The following PAPPA variants were observed in gnomAD, a reference collection of about 807,000 sequenced individuals.
PAPPA encodes the protein pappalysin 1, also known as pappalysin-1.
PAPPA carries 60 observed loss-of-function variants against 164.0 expected under a neutral mutation model. The observed-to-expected ratio is 0.37, with a 90% CI of 0.30 to 0.45. The LOEUF (loss-of-function observed/expected upper bound fraction) is 0.45, where lower values mean the gene tolerates loss of function less well. PAPPA is among the 20% of genes least tolerant of loss of function. The probability of loss-of-function intolerance (pLI) is 1.00; values close to 1 mark genes in which losing one functional copy is unlikely to be tolerated. For synonymous variants in PAPPA, 875 were observed against 814.1 expected, an observed-to-expected ratio of 1.07 and a Z score of -1.27; for missense variants, 1,782 against 2,087.3, an observed-to-expected ratio of 0.85 and a Z score of 2.85.
intron 9 of PAPPA, among the ~76,000 whole-genome samples, chr9:116,289,121 CATATATATAT>C (rs200604980): frequency 0.012 from 215 of 17,780 alleles, 3 homozygotes; most frequent in Middle Eastern, 0.031. Context: ...TATGCATATA[CATATATATAT>C]ATATATATAT....
intron 10 of PAPPA, among the ~76,000 whole-genome samples, chr9:116,314,140 T>G (rs187430361): frequency 6.8e-6 from 1 of 147,684 alleles, no homozygotes; most frequent in East Asian, 2.1e-4. Flanking sequence ...GGTGCAATCT[T>G]GGCTCACTGC....
At chr9:116,279,573 CA>C (rs1845243318) in intron 9 of PAPPA, among the ~76,000 whole-genome samples, 1 of 152,114 alleles carries the variant, frequency 6.6e-6, no homozygotes, top group Non-Finnish European at 1.5e-5. Flanking sequence ...GGGTCAGGCT[CA>C]GGGAACCGAC....
intron 10 of PAPPA, among the ~76,000 whole-genome samples, chr9:116,312,058 A>G (rs1845724240): frequency 6.6e-6 from 1 of 152,196 alleles, no homozygotes; most frequent in Non-Finnish European, 1.5e-5. Context: ...TTCTCCATGT[A>G]GACTAGATAA....
At chr9:116,304,685 G>A (rs549111244) in intron 10 of PAPPA, among the ~76,000 whole-genome samples, 2 of 151,938 alleles carry the variant, frequency 1.3e-5, no homozygotes, top group East Asian at 3.9e-4. Context: ...TGTAAGGGGG[G>A]GCTGTCAGGA....
chr9:116,335,244 G>C (rs1588009000), intron 13 of PAPPA, among the ~76,000 whole-genome samples, 170 bp downstream of exon 13: 1 of 152,220 alleles, frequency 6.6e-6, no homozygotes, highest in African/African-American at 2.4e-5. Context: ...ATGAGTCTCT[G>C]AATTCCTGGG....
At chr9:116,393,812 G>A (rs761882486) in intron 21 of PAPPA, among the ~76,000 whole-genome samples, 35 of 152,084 alleles carry the variant, frequency 2.3e-4, no homozygotes, top group Non-Finnish European at 4.4e-4. Context: ...AGAGTATCTG[G>A]GGAACCAATA....
intron 6 of PAPPA, among the ~76,000 whole-genome samples, chr9:116,233,503 GC>G (rs1396389143): frequency 6.6e-6 from 1 of 152,186 alleles, no homozygotes; most frequent in Non-Finnish European, 1.5e-5. Context: ...AGCAGTTACT[GC>G]AAATAATGAA....
rs750820509 is a variant in PAPPA at position 116,353,761 on chromosome 9, A to C, written c.4315A>C (p.Arg1439=). 5 of 1,613,970 alleles carry C rather than the reference A, an allele frequency of 3.1e-6. No individual in the cohort carries two copies. The highest frequency in any genetic ancestry group is 4.2e-6 in the Non-Finnish European group (5 of 1,179,954). ...TNGFQFNSEC[R]IKCEDSDASQ... ...TGGCTTCCAGTTCAACAGTGAGTGT[A>C]GGATCAAGTGTGAAGACAGTGATGC... The change falls in exon 17 of 22, where the codon AGG becomes CGG. Residue 1439 remains arginine, a synonymous_variant. Transcript: ENST00000328252.
chr9:116,250,183 T>C (rs918057645), intron 7 of PAPPA, among the ~76,000 whole-genome samples: 3 of 152,150 alleles, frequency 2.0e-5, no homozygotes, highest in Admixed American at 6.5e-5. Context: ...CTAATACCTA[T>C]AACGTTACAA....
chr9:116,387,387 C>T lies in PAPPA; in HGVS notation c.4776+4894C>T, dbSNP rs181079401. On this transcript the variant is annotated intron_variant, in intron 21 of 21. Transcript: ENST00000328252. Reference sequence around the variant, plus strand: ...CAATAACCCTGTTGTAGATGTTGTTCTTTTTTCTTTTTCTTTTGAGATGAA... The same window carrying T: ...CAATAACCCTGTTGTAGATGTTGTTTTTTTTTCTTTTTCTTTTGAGATGAA... Among the ~76,000 whole-genome samples the T allele has an allele frequency of 1.3e-3, 197 of 152,202 alleles. 1 individual carries two copies. Among genetic ancestry groups the T allele is most frequent in the African/African-American group, 4.6e-3 (192 of 41,534 alleles).
chr9:116,236,586 CAA>C (rs35004875), intron 7 of PAPPA, among the ~76,000 whole-genome samples: 38 of 84,722 alleles, frequency 4.5e-4, no homozygotes, highest in East Asian at 6.8e-4. Context: ...AACTCCATCT[CAA>C]AAAAAAAAAA....
chr9:116,227,522 T>C lies in PAPPA; in HGVS notation c.2203T>C (p.Ser735Pro). The part of the protein sequence containing the change: ...NASSPMPCSP[S>P]GHWSPREAEG... ...TTCCTCCCCAATGCCCTGCAGCCCATCAGGACACTGGAGCCCTCGTGAAGC... is the reference window on the plus strand; with the variant it reads ...TTCCTCCCCAATGCCCTGCAGCCCACCAGGACACTGGAGCCCTCGTGAAGC... The change falls in exon 6 of 22, where the codon TCA becomes CCA. Residue 735 changes from serine (S) to proline (P), a missense_variant. Coordinates refer to ENST00000328252, the MANE Select transcript of PAPPA (RefSeq NM_002581.5). 6.2e-7 allele frequency: 1 copy of C among 1,614,052 alleles called. No homozygotes were observed. The highest frequency in any genetic ancestry group is 8.5e-7 in the Non-Finnish European group (1 of 1,179,980).
intron 7 of PAPPA, among the ~76,000 whole-genome samples, chr9:116,259,817 A>G (rs1057265621): frequency 1.3e-5 from 2 of 152,184 alleles, no homozygotes; most frequent in Non-Finnish European, 2.9e-5. Flanking sequence ...AACTCTTGCT[A>G]TGTGCACAGA....
intron 5 of PAPPA, among the ~76,000 whole-genome samples, chr9:116,226,289 C>T (rs920087511): frequency 1.3e-5 from 2 of 152,044 alleles, no homozygotes; most frequent in African/African-American, 4.8e-5. Flanking sequence ...ATCTACTGTC[C>T]GCTGTGTGGA....
chr9:116,276,633 A>C (rs755731745), intron 9 of PAPPA, among the ~76,000 whole-genome samples: 15 of 152,146 alleles, frequency 9.9e-5, no homozygotes, highest in Non-Finnish European at 2.2e-4. Flanking sequence ...ATATATAGTT[A>C]AGAAAACAAA....
intron 6 of PAPPA, among the ~76,000 whole-genome samples, chr9:116,228,703 C>T (rs949487105): frequency 6.6e-6 from 1 of 152,200 alleles, no homozygotes; most frequent in Non-Finnish European, 1.5e-5. Context: ...CACAGAATCA[C>T]AGGCTGTCAG....
intron 10 of PAPPA, among the ~76,000 whole-genome samples, chr9:116,329,381 G>A (rs886548594): frequency 6.6e-6 from 1 of 152,100 alleles, no homozygotes; most frequent in Non-Finnish European, 1.5e-5. Context: ...ATATGATGAT[G>A]TAAACCAAAA....
chr9:116,179,913 T>A (rs191207645), intron 1 of PAPPA, among the ~76,000 whole-genome samples: 4 of 152,188 alleles, frequency 2.6e-5, no homozygotes, highest in African/African-American at 9.7e-5. Context: ...AGCTTTTAAT[T>A]TTTTTAGCCT....
chr9:116,190,628 G>T (rs1844029776), intron 2 of PAPPA, among the ~76,000 whole-genome samples: 1 of 152,216 alleles, frequency 6.6e-6, no homozygotes, highest in Admixed American at 6.5e-5. Context: ...GAAAAAAACT[G>T]TGTATCATTG....
Sources: allele counts gnomAD v4.1 joint callset (sites outside exome capture counted in the v4.1 genomes callset), GRCh38; gene constraint gnomAD v4.1.1; transcripts MANE v1.5; gene names NCBI Gene and HGNC (gene_info 2026-07-23, HGNC 2026-07-21).